Variants in CCDC93 observed in about 807,000 individuals in gnomAD.
The protein encoded by CCDC93 is coiled-coil domain-containing protein 93.
Under a neutral mutation model 108.2 loss-of-function variants are expected in CCDC93, and 61 were observed. That is an observed-to-expected ratio of 0.56 (90% CI 0.46 to 0.70). CCDC93 has a LOEUF of 0.70. Among genes scored for constraint, CCDC93 ranks in the 30% least tolerant of loss-of-function variants. The pLI, the probability that CCDC93 is intolerant of heterozygous loss-of-function variation, is 0.00. For synonymous variants in CCDC93, 276 were observed against 260.4 expected (o/e 1.06, Z -0.58); for missense variants, 685 against 764.2 (o/e 0.90, Z 1.22).
intron 1 of CCDC93, among the ~76,000 whole-genome samples, chr2:118,010,099 G>A (rs943386284): frequency 8.5e-5 from 10 of 117,746 alleles, no homozygotes; most frequent in South Asian, 3.2e-4. Context: ...ATGCCACCAC[G>A]CCCGTTTTTT....
chr2:117,952,508 G>A (rs1328943566), intron 12 of CCDC93, 73 bp from the exon 13 acceptor site: 3 of 1,113,672 alleles, frequency 2.7e-6, no homozygotes, highest in African/African-American at 1.5e-5. Context: ...TTTCACAGAT[G>A]AGAAAATGAA....
chr2:118,008,359 C>T (rs1315661138), intron 2 of CCDC93, among the ~76,000 whole-genome samples, 186 bp downstream of exon 2: 2 of 152,208 alleles, frequency 1.3e-5, no homozygotes. Context: ...CTGACGTATT[C>T]ACTGATACAT....
At chr2:117,949,526 G>A in intron 13 of CCDC93, 131 bp from the exon 14 acceptor site, 1 of 704,180 alleles carries the variant, frequency 1.4e-6, no homozygotes. Flanking sequence ...AATGTGTAAA[G>A]TAGGTAATTA....
intron 23 of CCDC93, among the ~76,000 whole-genome samples, chr2:117,922,315 CA>C (rs983420715): frequency 1.3e-5 from 2 of 152,088 alleles, no homozygotes; most frequent in Admixed American, 6.6e-5. Context: ...CTCTTCAAAG[CA>C]AATACAAAAG....
At position 117,918,763 on chromosome 2, in the gene CCDC93, G is replaced by GGA. The variant is rs1354973329; in HGVS notation, c.*1578_*1579dup. On this transcript the variant is annotated 3_prime_UTR_variant, in exon 24 of 24. Coordinates refer to ENST00000376300, the MANE Select transcript of CCDC93 (RefSeq NM_019044.5). ...CCACGGCTCAGGGACCAGCTGAGGT[G>GGA]GAGCTGCACATGACCCAAGAAGCGC... 6.6e-6 allele frequency: 1 copy of GGA among 151,908 alleles called. No individual in the cohort carries two copies. The highest frequency in any genetic ancestry group is 2.4e-5 in the African/African-American group (1 of 41,424). The allele number at this position is 151,908 out of a possible 1,614,324, so 9.4% of individuals were successfully genotyped here.
intron 13 of CCDC93, chr2:117,951,188 C>A (rs1679045080): frequency 3.0e-6 from 3 of 985,356 alleles, no homozygotes; most frequent in Non-Finnish European, 3.6e-6. Flanking sequence ...CACGAATTGG[C>A]AAACTTCATG....
At chr2:117,927,171 T>C (rs771387452) in intron 23 of CCDC93, among the ~76,000 whole-genome samples, 5 of 152,100 alleles carry the variant, frequency 3.3e-5, no homozygotes, top group African/African-American at 4.8e-5. Flanking sequence ...TCATACTGAA[T>C]GGGCAAAAAC....
intron 23 of CCDC93, among the ~76,000 whole-genome samples, chr2:117,929,875 C>T (rs189541237): frequency 6.6e-6 from 1 of 152,334 alleles, no homozygotes; most frequent in East Asian, 1.9e-4. Context: ...CCCTCCTAGA[C>T]CACACTACCT....
At chr2:118,002,101 T>C (rs1676717652) in intron 3 of CCDC93, among the ~76,000 whole-genome samples, 1 of 152,204 alleles carries the variant, frequency 6.6e-6, no homozygotes, top group Non-Finnish European at 1.5e-5. Flanking sequence ...CAGCAGCTAC[T>C]GTGGCCTTAT....
At chr2:117,989,140 AGCCT>A (rs1162538244) in intron 6 of CCDC93, among the ~76,000 whole-genome samples, 1 of 152,222 alleles carries the variant, frequency 6.6e-6, no homozygotes, top group Non-Finnish European at 1.5e-5. Context: ...TGTCATTTAG[AGCCT>A]GCCTACTTTG....
intron 11 of CCDC93, among the ~76,000 whole-genome samples, chr2:117,967,866 T>A (rs1679637989): frequency 6.6e-6 from 1 of 152,084 alleles, no homozygotes; most frequent in Admixed American, 6.6e-5. Context: ...ATAAGTATAA[T>A]GATGGAGGAA....
At chr2:117,920,609 G>C (rs1254973882) in intron 23 of CCDC93, among the ~76,000 whole-genome samples, 1 of 152,230 alleles carries the variant, frequency 6.6e-6, no homozygotes, top group East Asian at 1.9e-4. Flanking sequence ...TTTCTGGGCT[G>C]TCAGACTGAA....
At chr2:117,975,125 G>T in intron 9 of CCDC93, 63 bp downstream of exon 9, 1 of 1,415,422 alleles carries the variant, frequency 7.1e-7, no homozygotes, top group South Asian at 1.2e-5. Flanking sequence ...CTAGGGATAA[G>T]AGTACGATTT....
rs1377950134 is a variant in CCDC93 at position 118,000,924 on chromosome 2, G to GA, written c.259dup (p.Ser87PhefsTer50). ...TGGCAGGACCGAGACAATTTTTTCT[G>GA]ACAGAGCTCTGTTCAGAAAAAGTAA... On this transcript the variant is annotated frameshift_variant, in exon 4 of 24. Coordinates refer to ENST00000376300, the MANE Select transcript of CCDC93 (RefSeq NM_019044.5). LOFTEE classifies it high-confidence loss of function. The GA allele has an allele frequency of 6.2e-7, 1 of 1,608,164 alleles. No individual in the cohort carries two copies. The highest frequency in any genetic ancestry group is 1.1e-5 in the South Asian group (1 of 90,968).
At chr2:117,928,563 C>T (rs1329112357) in intron 23 of CCDC93, among the ~76,000 whole-genome samples, 1 of 152,156 alleles carries the variant, frequency 6.6e-6, no homozygotes, top group Non-Finnish European at 1.5e-5. Context: ...CAATGAGATA[C>T]CATCTCACAC....
chr2:117,973,623 C>A (rs553484256), intron 11 of CCDC93, among the ~76,000 whole-genome samples: 10 of 152,106 alleles, frequency 6.6e-5, no homozygotes, highest in Non-Finnish European at 1.5e-4. Context: ...AATGCTCATC[C>A]CATACCCTCA....
chr2:118,007,656 G>C (rs752143423), intron 2 of CCDC93, among the ~76,000 whole-genome samples: 22 of 152,132 alleles, frequency 1.4e-4, no homozygotes, highest in Non-Finnish European at 3.2e-4. Context: ...GCAGCAGAGA[G>C]ACTCCATCTC....
chr2:117,996,241 G>A (rs758107168), intron 5 of CCDC93, 23 bp downstream of exon 5: 1 of 1,512,812 alleles, frequency 6.6e-7, no homozygotes. Context: ...AGTGGGACAA[G>A]AAAATAAAAT....
rs749321083 is a variant in CCDC93, at chr2:117,998,989, ACT to A, written c.363+1830_363+1831del. The stretch of plus-strand genomic sequence containing the variant: ...GCTTTGAAGTCTAGCAGAGGGGAAG[ACT>A]CAACACATAACAGTAACAAACTATG... On this transcript the variant is annotated intron_variant, in intron 4 of 23. Transcript: ENST00000376300. 4 of 152,354 alleles carry A rather than the reference ACT, an allele frequency of 2.6e-5. No individual in the cohort carries two copies. In the East Asian group the frequency reaches 5.8e-4, roughly 22 times the overall value. The allele number at this position is 152,354 out of a possible 1,614,324, so 9.4% of individuals were successfully genotyped here.
Sources: allele counts gnomAD v4.1 joint callset (sites outside exome capture counted in the v4.1 genomes callset), GRCh38; gene constraint gnomAD v4.1.1; transcripts MANE v1.5; gene names NCBI Gene and HGNC (gene_info 2026-07-23, HGNC 2026-07-21).